Variants in ABCC1 observed in about 807,000 individuals in gnomAD.
ABCC1 encodes multidrug resistance-associated protein 1.
A neutral mutation model predicts 172.9 loss-of-function variants in ABCC1; 83 were observed. The ratio of observed to expected loss-of-function variants is 0.48; its 90% CI spans 0.40 to 0.58. The LOEUF (loss-of-function observed/expected upper bound fraction) is 0.58. Among genes scored for constraint, ABCC1 ranks in the 20% least tolerant of loss-of-function variants. The pLI, the probability that ABCC1 is intolerant of heterozygous loss-of-function variation, is 0.00. For missense variants in ABCC1, 1,817 were observed against 2,002.7 expected (o/e 0.91, Z 1.77); for synonymous variants, 937 against 825.2 (o/e 1.14, Z -2.32).
chr16:16,111,873 G>A (rs985190876), intron 22 of ABCC1, among the ~76,000 whole-genome samples: 20 of 152,140 alleles, frequency 1.3e-4, no homozygotes, highest in Non-Finnish European at 2.6e-4. Context: ...GGGTTGGGAG[G>A]ACCCCCTTGA....
chr16:16,115,258 T>G lies in ABCC1; in HGVS notation c.3390+182T>G, dbSNP rs192900114. 2.6e-5 allele frequency among the ~76,000 whole-genome samples: 4 copies of G among 152,394 alleles called. No individual in the cohort carries two copies. The East Asian group carries it at 7.7e-4, about 29-fold the overall frequency. On this transcript the variant is annotated intron_variant, in intron 23 of 30. Coordinates refer to ENST00000399410, the MANE Select transcript of ABCC1 (RefSeq NM_004996.4). ...TGCTCACAATAACAAAATGCACTTT[T>G]TTTGTGGAATGCAGTTTTTTCCTAA...
At chr16:15,993,876 C>G (rs1030110773) in intron 1 of ABCC1, among the ~76,000 whole-genome samples, 1 of 152,180 alleles carries the variant, frequency 6.6e-6, no homozygotes, top group Non-Finnish European at 1.5e-5. Flanking sequence ...ATCTCCGGCC[C>G]TGGAGATCTT....
At chr16:16,017,183 G>A (rs1416399859) in intron 5 of ABCC1, among the ~76,000 whole-genome samples, 1 of 152,112 alleles carries the variant, frequency 6.6e-6, no homozygotes, top group Non-Finnish European at 1.5e-5. Flanking sequence ...GATGGCCACC[G>A]TTTCTGCTAG....
At chr16:16,057,880 A>G (rs968679853) in intron 12 of ABCC1, among the ~76,000 whole-genome samples, 1 of 152,132 alleles carries the variant, frequency 6.6e-6, no homozygotes, top group Middle Eastern at 3.4e-3. Flanking sequence ...GGCCCAAGCA[A>G]TCCTCCTGCT....
At chr16:16,012,970 A>G (rs1438282708) in intron 3 of ABCC1, among the ~76,000 whole-genome samples, 1 of 152,028 alleles carries the variant, frequency 6.6e-6, no homozygotes, top group Non-Finnish European at 1.5e-5. Context: ...GGCGTGAGCA[A>G]CTGTGCCTGG....
chr16:16,048,093 C>T (rs1597171007), intron 9 of ABCC1, 49 bp from the exon 10 acceptor site: 1 of 1,601,572 alleles, frequency 6.2e-7, no homozygotes, highest in South Asian at 1.1e-5. Flanking sequence ...GAGAGTCAGG[C>T]CTCTTCAGCT....
chr16:16,018,241 A>G (rs923272116), intron 5 of ABCC1, among the ~76,000 whole-genome samples: 19 of 152,066 alleles, frequency 1.2e-4, no homozygotes, highest in Non-Finnish European at 1.0e-4. Flanking sequence ...GATGATAACT[A>G]AGAGATTTTA....
intron 7 of ABCC1, 80 bp downstream of exon 7, chr16:16,036,683 C>T (rs2048772761): frequency 6.9e-7 from 1 of 1,447,348 alleles, no homozygotes; most frequent in African/African-American, 1.4e-5. Flanking sequence ...AGGATGGGGC[C>T]CTGGCAGTGC....
rs374082594 is a variant in ABCC1 at position 16,111,520 on chromosome 16, A to C, written c.3017A>C (p.Asn1006Thr). The C allele has an allele frequency of 6.2e-7, 1 of 1,614,176 alleles. No individual in the cohort carries two copies. Among genetic ancestry groups the C allele is most frequent in the Non-Finnish European group, 8.5e-7 (1 of 1,180,036 alleles). ...CTCTGGACTGATGACCCCATCGTCA[A>C]CGGGACTCAGGAGCACACGAAAGTC... is the stretch of plus-strand genomic sequence containing the variant. ...LSLWTDDPIV[N>T]GTQEHTKVRL... The change falls in exon 22 of 31, where the codon AAC becomes ACC. Residue 1006 changes from asparagine (N) to threonine (T), a missense_variant. By Grantham distance (65) the Asn-to-Thr change is moderately conservative. Transcript: ENST00000399410.
At chr16:16,008,201 C>T (rs377583248) in intron 2 of ABCC1, among the ~76,000 whole-genome samples, 1 of 152,096 alleles carries the variant, frequency 6.6e-6, no homozygotes, top group East Asian at 1.9e-4. Flanking sequence ...TATTTGGCCT[C>T]GAGCAAATTT....
At chr16:16,058,517 C>T (rs1214244440) in intron 12 of ABCC1, among the ~76,000 whole-genome samples, 2 of 152,202 alleles carry the variant, frequency 1.3e-5, no homozygotes, top group East Asian at 1.9e-4. Flanking sequence ...TCAGCATTTG[C>T]GAAAGCGTGT....
intron 1 of ABCC1, among the ~76,000 whole-genome samples, chr16:15,972,639 G>A (rs763288686): frequency 6.6e-6 from 1 of 152,032 alleles, no homozygotes; most frequent in Non-Finnish European, 1.5e-5. Flanking sequence ...ATGTCTCCTT[G>A]GCTGAAACTG....
chr16:16,054,914 A>G lies in ABCC1; in HGVS notation c.1474-1178A>G, dbSNP rs541581733. 3.3e-5 allele frequency among the ~76,000 whole-genome samples: 5 copies of G among 152,332 alleles called. No homozygotes were observed. In the South Asian group the frequency reaches 1.0e-3, roughly 32 times the overall value. On this transcript the variant is annotated intron_variant, in intron 11 of 30. Transcript: ENST00000399410. ...CCACTATTTGGAACCAGTGCTAGCCAGTACAGAAACATTTCACTATTTTAA... is the reference window on the plus strand; with the variant it reads ...CCACTATTTGGAACCAGTGCTAGCCGGTACAGAAACATTTCACTATTTTAA...
chr16:16,120,398 T>A (rs2238475), intron 23 of ABCC1, among the ~76,000 whole-genome samples: 3 of 152,108 alleles, frequency 2.0e-5, no homozygotes, highest in East Asian at 3.9e-4. Flanking sequence ...GATCCACAGC[T>A]CCACAAAGCT....
chr16:15,975,692 G>A (rs1291004193), intron 1 of ABCC1, among the ~76,000 whole-genome samples: 4 of 151,754 alleles, frequency 2.6e-5, no homozygotes, highest in South Asian at 4.2e-4. Flanking sequence ...GAGTAGCTGG[G>A]ATTACAGGCA....
chr16:16,052,092 A>C (rs754378812), intron 10 of ABCC1, among the ~76,000 whole-genome samples: 1 of 152,154 alleles, frequency 6.6e-6, no homozygotes, highest in Non-Finnish European at 1.5e-5. Context: ...ATAGCTGGGC[A>C]TGGTGGTGTG....
intron 3 of ABCC1, among the ~76,000 whole-genome samples, chr16:16,012,906 CT>C (rs1409247496): frequency 6.6e-6 from 1 of 152,066 alleles, no homozygotes; most frequent in East Asian, 1.9e-4. Context: ...TGGTCTCAAA[CT>C]CCTGGCCTCA....
intron 13 of ABCC1, among the ~76,000 whole-genome samples, chr16:16,071,403 C>G (rs1596459789): frequency 6.6e-6 from 1 of 151,924 alleles, no homozygotes; most frequent in South Asian, 2.1e-4. Context: ...CAGCCATTCG[C>G]CCATTTTTTC....
At chr16:16,125,070 C>G (rs557532815) in intron 25 of ABCC1, among the ~76,000 whole-genome samples, 155 bp downstream of exon 25, 6 of 152,194 alleles carry the variant, frequency 3.9e-5, no homozygotes, top group African/African-American at 1.4e-4. Flanking sequence ...TGCCTGGTGA[C>G]CAACTAGAGC....
Sources: allele counts gnomAD v4.1 joint callset (sites outside exome capture counted in the v4.1 genomes callset), GRCh38; gene constraint gnomAD v4.1.1; transcripts MANE v1.5; gene names NCBI Gene and HGNC (gene_info 2026-07-23, HGNC 2026-07-21).